Variants in MBOAT2 observed in about 807,000 individuals in gnomAD.
MBOAT2 encodes the protein membrane-bound glycerophospholipid O-acyltransferase 2.
In MBOAT2, 28 loss-of-function variants were observed where a neutral mutation model predicts 63.4. That is an observed-to-expected ratio of 0.44 (90% CI 0.33 to 0.61). MBOAT2 has a LOEUF of 0.61. Among genes scored for constraint, MBOAT2 ranks in the 20% least tolerant of loss-of-function variants. MBOAT2 has a pLI of 0.03. For synonymous variants in MBOAT2, 211 were observed against 215.6 expected (o/e 0.98, Z 0.19); for missense variants, 470 against 605.8 (o/e 0.78, Z 2.35).
At chr2:8,889,551 G>T (rs1558577416) in intron 4 of MBOAT2, among the ~76,000 whole-genome samples, 1 of 152,142 alleles carries the variant, frequency 6.6e-6, no homozygotes, top group Admixed American at 6.5e-5. Flanking sequence ...TGCTATTTCT[G>T]CTTTGCAAGA....
intron 9 of MBOAT2, among the ~76,000 whole-genome samples, chr2:8,864,596 C>T (rs150706327): frequency 1.3e-5 from 2 of 152,198 alleles, no homozygotes; most frequent in South Asian, 2.1e-4. Flanking sequence ...ACCTCCTTCC[C>T]GCCAAGCTCC....
intron 1 of MBOAT2, among the ~76,000 whole-genome samples, chr2:8,984,139 G>T (rs1671389839): frequency 6.6e-6 from 1 of 152,144 alleles, no homozygotes; most frequent in Admixed American, 6.5e-5. Context: ...TATGCTAAGT[G>T]AAATTAAACC....
rs116477813 is a variant in MBOAT2, at chr2:8,870,429, T to C, written c.884-1880A>G. ...GTCCATATGATCCAGAATACATTCATACTATTTTTATAAATTATTAGTAAA... is the reference window on the plus strand; with the variant it reads ...GTCCATATGATCCAGAATACATTCACACTATTTTTATAAATTATTAGTAAA... On this transcript the variant is annotated intron_variant, in intron 8 of 12. Transcript: ENST00000305997. Among the ~76,000 whole-genome samples the C allele has an allele frequency of 3.4e-3, 517 of 152,364 alleles. 1 individual carries two copies. The highest frequency in any genetic ancestry group is 0.012 in the African/African-American group (481 of 41,588).
intron 6 of MBOAT2, among the ~76,000 whole-genome samples, chr2:8,880,768 A>T (rs1164187417): frequency 6.6e-6 from 1 of 152,220 alleles, no homozygotes; most frequent in Non-Finnish European, 1.5e-5. Flanking sequence ...TGAAGAAGGT[A>T]TTTCAGAAGA....
At chr2:8,916,967 A>C (rs1666227053) in intron 3 of MBOAT2, among the ~76,000 whole-genome samples, 1 of 152,242 alleles carries the variant, frequency 6.6e-6, no homozygotes, top group Admixed American at 6.5e-5. Context: ...CACATAGATC[A>C]ATGAACAGAA....
At chr2:8,881,197 A>G (rs185658187) in intron 6 of MBOAT2, among the ~76,000 whole-genome samples, 1 of 152,354 alleles carries the variant, frequency 6.6e-6, no homozygotes, top group African/African-American at 2.4e-5. Context: ...ACACCAGGAA[A>G]GAAAGTAGAG....
At chr2:8,894,556 C>T (rs1402329624) in intron 4 of MBOAT2, among the ~76,000 whole-genome samples, 4 of 152,198 alleles carry the variant, frequency 2.6e-5, no homozygotes, top group African/African-American at 7.2e-5. Context: ...TCAGAGAACA[C>T]AGAAACACAT....
intron 1 of MBOAT2, among the ~76,000 whole-genome samples, chr2:8,975,797 C>CA (rs75305828): frequency 0.39 from 23,370 of 60,546 alleles, 3,431 homozygotes; most frequent in African/African-American, 0.54. Context: ...ATGAACAATA[C>CA]AAAAAAAAAA....
chr2:8,948,872 T>A (rs1668610145), intron 2 of MBOAT2, among the ~76,000 whole-genome samples: 1 of 151,786 alleles, frequency 6.6e-6, no homozygotes, highest in African/African-American at 2.4e-5. Context: ...ATGGGATTGC[T>A]GGGTCAAACG....
chr2:8,861,296 G>A (rs1661476303), intron 11 of MBOAT2, among the ~76,000 whole-genome samples: 1 of 152,218 alleles, frequency 6.6e-6, no homozygotes, highest in Admixed American at 6.5e-5. Flanking sequence ...AATGGAAGCA[G>A]AGAATTCATG....
At chr2:8,875,980 G>A (rs530845452) in intron 7 of MBOAT2, among the ~76,000 whole-genome samples, 2 of 152,352 alleles carry the variant, frequency 1.3e-5, no homozygotes, top group South Asian at 4.1e-4. Context: ...ACACAGTGGA[G>A]GGTGGTAGAT....
In MBOAT2 at chr2:8,912,379, GAA is replaced by G. The variant is rs757859547; in HGVS notation, c.300-3665_300-3664del. On this transcript the variant is annotated intron_variant, in intron 3 of 12. Transcript: ENST00000305997. ...AAAGAAAGAAAGAAAGAAAGAGAAA[GAA>G]AGAAAGAAAGAAAGAAAGAAAGAAA... is the stretch of plus-strand genomic sequence containing the variant. Among the ~76,000 whole-genome samples, 456 of 109,478 alleles carry G rather than the reference GAA, an allele frequency of 4.2e-3. 2 individuals carry two copies. The highest frequency in any genetic ancestry group is 5.2e-3 in the Admixed American group (61 of 11,804). 71.8% of individuals were successfully genotyped at this position (109,478 alleles called of 152,430 possible). A position where few individuals can be genotyped will look rare whatever the true frequency, so the allele number is the denominator to read the frequency against.
intron 1 of MBOAT2, among the ~76,000 whole-genome samples, chr2:8,998,609 C>T (rs6756066): frequency 0.088 from 13,112 of 149,766 alleles, 983 homozygotes; most frequent in African/African-American, 0.2. Flanking sequence ...AGGGGAAGAG[C>T]GGGGGGCGGG....
chr2:8,924,706 CTTT>C (rs752934933), intron 3 of MBOAT2, among the ~76,000 whole-genome samples: 1 of 139,414 alleles, frequency 7.2e-6, no homozygotes, highest in Non-Finnish European at 1.6e-5. Flanking sequence ...GGTTCAGCTG[CTTT>C]TTTTTTTTTT....
chr2:8,895,071 G>A (rs118118165), intron 4 of MBOAT2, among the ~76,000 whole-genome samples: 5,148 of 152,332 alleles, frequency 0.034, 195 homozygotes, highest in East Asian at 0.16. Context: ...AGGCGGTGGG[G>A]ACCCAAAGAG....
intron 5 of MBOAT2, among the ~76,000 whole-genome samples, chr2:8,884,547 C>T (rs970617187): frequency 1.3e-5 from 2 of 151,064 alleles, no homozygotes; most frequent in African/African-American, 4.9e-5. Context: ...TTAAAAACTC[C>T]TTATCCTTTT....
chr2:8,855,448 C>G lies in MBOAT2; in HGVS notation c.*3231G>C, dbSNP rs549685507. The G allele has an allele frequency of 6.6e-6, 1 of 152,208 alleles. No homozygotes were observed. The highest frequency in any genetic ancestry group is 2.4e-5 in the African/African-American group (1 of 41,450). 9.4% of individuals were successfully genotyped at this position (152,208 alleles called of 1,614,324 possible). A position where few individuals can be genotyped will look rare whatever the true frequency, so the allele number is the denominator to read the frequency against. ...TCACTTTCTAGAAACCTCCTTTTTACTGCACATTTTTCTCAAAAGTGGTAT... is the reference window on the plus strand; with the variant it reads ...TCACTTTCTAGAAACCTCCTTTTTAGTGCACATTTTTCTCAAAAGTGGTAT... On this transcript the variant is annotated 3_prime_UTR_variant, in exon 13 of 13. Transcript: ENST00000305997.
chr2:8,862,618 CCT>C lies in MBOAT2; in HGVS notation c.1155_1156del (p.Leu388AsnfsTer11), dbSNP rs773395323. 6 of 1,612,536 alleles carry C rather than the reference CCT, an allele frequency of 3.7e-6. No homozygotes were observed. Among genetic ancestry groups the C allele is most frequent in the Admixed American group, 3.4e-5 (2 of 59,568 alleles). ...TCTTGCTGCTAATGTCATTAACACCCCTGTTAGAAACGTTAGATAATATCCTG... is the reference window on the plus strand; with the variant it reads ...TCTTGCTGCTAATGTCATTAACACCCGTTAGAAACGTTAGATAATATCCTG... On this transcript the variant is annotated frameshift_variant, in exon 11 of 13. Coordinates refer to ENST00000305997, the MANE Select transcript of MBOAT2 (RefSeq NM_138799.4). LOFTEE classifies it high-confidence loss of function. This position sits in a 1 kb window ranked among gnomAD's most constrained non-coding sequence, Gnocchi z 4.3.
chr2:8,910,989 C>T (rs1665672375), intron 3 of MBOAT2, among the ~76,000 whole-genome samples: 1 of 152,152 alleles, frequency 6.6e-6, no homozygotes, highest in African/African-American at 2.4e-5. Context: ...CACACAGATG[C>T]ACTAGAGGGA....
Sources: gnomAD v4.1 joint callset for allele counts (sites outside exome capture counted in the v4.1 genomes callset) on GRCh38, gnomAD v4.1.1 for gene constraint, Gnocchi (gnomAD v3.1) non-coding constraint, MANE v1.5 for transcripts, NCBI Gene and HGNC (gene_info 2026-07-23, HGNC 2026-07-21) for gene names.